The following WWOX variants were observed in gnomAD, a reference collection of about 807,000 sequenced individuals.
WWOX encodes WW domain-containing oxidoreductase.
In WWOX, 69 loss-of-function variants were observed where a neutral mutation model predicts 46.2. The ratio of observed to expected loss-of-function variants is 1.49; its 90% CI spans 1.23 to 1.82. WWOX has a LOEUF of 1.82. Ranked by LOEUF, WWOX falls within the 40% of genes most tolerant of loss-of-function variation. The probability of loss-of-function intolerance (pLI) is 0.00; values close to 1 mark genes in which losing one functional copy is unlikely to be tolerated. For synonymous variants in WWOX, 359 were observed against 202.6 expected, an observed-to-expected ratio of 1.77 and a Z score of -6.56; for missense variants, 919 against 542.6, an observed-to-expected ratio of 1.69 and a Z score of -6.89.
intron 5 of WWOX, among the ~76,000 whole-genome samples, chr16:78,178,187 G>C (rs2035410463): frequency 6.6e-6 from 1 of 152,174 alleles, no homozygotes; most frequent in African/African-American, 2.4e-5. Flanking sequence ...GCCTGGCCTG[G>C]CTGGGTTTGG....
At chr16:78,378,496 A>G (rs1177965692) in intron 5 of WWOX, among the ~76,000 whole-genome samples, 1 of 152,192 alleles carries the variant, frequency 6.6e-6, no homozygotes, top group East Asian at 1.9e-4. Flanking sequence ...CATTACTTAA[A>G]TAATATTAGA....
intron 5 of WWOX, among the ~76,000 whole-genome samples, chr16:78,342,037 G>A (rs557013533): frequency 8.3e-6 from 1 of 121,120 alleles, no homozygotes; most frequent in African/African-American, 2.8e-5. Context: ...AATGGCTTGA[G>A]CCTGGGAGAT....
chr16:78,834,932 G>A (rs1019983863), intron 8 of WWOX, among the ~76,000 whole-genome samples: 1 of 152,154 alleles, frequency 6.6e-6, no homozygotes, highest in Non-Finnish European at 1.5e-5. Context: ...CATATTAGCA[G>A]TTCGTAATTA....
chr16:79,146,891 C>A (rs2050192059), intron 8 of WWOX, among the ~76,000 whole-genome samples: 2 of 152,002 alleles, frequency 1.3e-5, no homozygotes. Context: ...TACATGTGTC[C>A]CTTCATGTCT....
intron 8 of WWOX, among the ~76,000 whole-genome samples, chr16:79,177,400 T>C (rs1297699362): frequency 6.6e-6 from 1 of 152,196 alleles, no homozygotes; most frequent in East Asian, 1.9e-4. Context: ...TGGGTTTGGA[T>C]ATGCATTTAT....
chr16:78,873,274 C>A (rs1173295330), intron 8 of WWOX: 1 of 152,168 alleles, frequency 6.6e-6, no homozygotes, highest in Admixed American at 6.5e-5. Context: ...GTTTGAATGT[C>A]ACTAATTACC....
intron 8 of WWOX, among the ~76,000 whole-genome samples, chr16:78,844,694 T>C (rs1373958272): frequency 1.3e-5 from 2 of 152,250 alleles, no homozygotes; most frequent in Non-Finnish European, 2.9e-5. Flanking sequence ...AGAAAGATTT[T>C]GCAGACTTTT....
At chr16:78,255,325 A>G (rs1234546224) in intron 5 of WWOX, among the ~76,000 whole-genome samples, 1 of 152,228 alleles carries the variant, frequency 6.6e-6, no homozygotes, top group African/African-American at 2.4e-5. Context: ...TAGAAGCAGG[A>G]AAAAGGAACA....
rs188463433 is a variant in WWOX, at chr16:78,371,086, T to A, written c.517-15774T>A. On this transcript the variant is annotated intron_variant, in intron 5 of 8. Transcript: ENST00000566780. ...ATCCTTTAATTAGCATTCAAACTAATCGTTATTAGAGTGTGTAACATGATC... is the reference window on the plus strand; with the variant it reads ...ATCCTTTAATTAGCATTCAAACTAAACGTTATTAGAGTGTGTAACATGATC... Among the ~76,000 whole-genome samples, 3 of 151,740 alleles carry A rather than the reference T, an allele frequency of 2.0e-5. No homozygotes were observed. In the East Asian group the frequency reaches 5.8e-4, roughly 29 times the overall value.
intron 8 of WWOX, among the ~76,000 whole-genome samples, chr16:79,129,147 A>G (rs1283095154): frequency 6.6e-6 from 1 of 152,028 alleles, no homozygotes; most frequent in Non-Finnish European, 1.5e-5. Flanking sequence ...CCTGTATCTC[A>G]GTAGGCACTG....
chr16:78,315,320 A>G (rs1328442944), intron 5 of WWOX, among the ~76,000 whole-genome samples: 1 of 152,152 alleles, frequency 6.6e-6, no homozygotes, highest in East Asian at 1.9e-4. Context: ...TGTGCCCTTT[A>G]GAGGATAACT....
At chr16:79,149,277 G>A (rs78007168) in intron 8 of WWOX, among the ~76,000 whole-genome samples, 1 of 152,064 alleles carries the variant, frequency 6.6e-6, no homozygotes, top group African/African-American at 2.4e-5. Flanking sequence ...ACTGCTTTTT[G>A]TATGCCAATC....
At chr16:78,863,351 T>C (rs958151094) in intron 8 of WWOX, among the ~76,000 whole-genome samples, 1 of 152,234 alleles carries the variant, frequency 6.6e-6, no homozygotes, top group Non-Finnish European at 1.5e-5. Flanking sequence ...CTCAAAAATC[T>C]CTAGGCCAAG....
intron 8 of WWOX, among the ~76,000 whole-genome samples, chr16:78,476,359 A>C (rs1309408265): frequency 6.6e-6 from 1 of 152,158 alleles, no homozygotes; most frequent in Non-Finnish European, 1.5e-5. Flanking sequence ...TGCAAGGACA[A>C]AAAACCAAAC....
At chr16:78,811,681 C>G (rs1049245775) in intron 8 of WWOX, among the ~76,000 whole-genome samples, 1 of 152,018 alleles carries the variant, frequency 6.6e-6, no homozygotes, top group Non-Finnish European at 1.5e-5. Context: ...CCCTTGTCCT[C>G]TTCTTATAAG....
intron 5 of WWOX, among the ~76,000 whole-genome samples, chr16:78,221,819 T>C (rs2036897137): frequency 6.6e-6 from 1 of 152,240 alleles, no homozygotes; most frequent in Non-Finnish European, 1.5e-5. Context: ...TCTGATTTTA[T>C]ACACTCATGC....
intron 3 of WWOX, among the ~76,000 whole-genome samples, chr16:78,114,643 T>C (rs950029574): frequency 2.0e-5 from 3 of 151,628 alleles, no homozygotes; most frequent in Non-Finnish European, 4.4e-5. Context: ...CTGACAGATC[T>C]TATAGCTACA....
chr16:78,855,085 C>A (rs1426474170), intron 8 of WWOX, among the ~76,000 whole-genome samples: 17 of 151,996 alleles, frequency 1.1e-4, no homozygotes, highest in Admixed American at 1.1e-3. Flanking sequence ...AAAGTGGGGA[C>A]CACCCCCCAA....
chr16:78,639,593 C>G (rs2046655083), intron 8 of WWOX, among the ~76,000 whole-genome samples: 1 of 140,186 alleles, frequency 7.1e-6, no homozygotes, highest in South Asian at 2.3e-4. Context: ...CAGACAGTTT[C>G]ACTCTTGTTG....
Sources: allele counts gnomAD v4.1 joint callset (sites outside exome capture counted in the v4.1 genomes callset), GRCh38; gene constraint gnomAD v4.1.1; transcripts MANE v1.5; gene names NCBI Gene and HGNC (gene_info 2026-07-23, HGNC 2026-07-21).